Variants in VPS13A observed in about 807,000 individuals in gnomAD.
The protein encoded by VPS13A is intermembrane lipid transfer protein VPS13A.
VPS13A carries 264 observed loss-of-function variants against 390.9 expected under a neutral mutation model. The ratio of observed to expected loss-of-function variants is 0.68; its 90% confidence interval spans 0.61 to 0.75. VPS13A has a LOEUF of 0.75. VPS13A is among the 30% of genes least tolerant of loss of function. The pLI is 0.00. For synonymous variants in VPS13A, 1,231 were observed against 1,227.1 expected (o/e 1.00, Z -0.07); for missense variants, 3,409 against 3,733.9 (o/e 0.91, Z 2.27).
chr9:77,275,778 G>T, intron 25 of VPS13A, 126 bp downstream of exon 25: 2 of 1,168,090 alleles, frequency 1.7e-6, no homozygotes, highest in Admixed American at 2.1e-5. Context: ...TTCCAGACTT[G>T]CTGTGTGATT....
intron 33 of VPS13A, among the ~76,000 whole-genome samples, chr9:77,300,832 A>G (rs971408505): frequency 2.6e-5 from 4 of 152,274 alleles, no homozygotes; most frequent in Non-Finnish European, 5.9e-5. Context: ...TTCTTTATAC[A>G]TTAATCCAAC....
intron 24 of VPS13A, among the ~76,000 whole-genome samples, chr9:77,274,622 TATCTAC>T (rs1433713744): frequency 6.6e-6 from 1 of 152,030 alleles, no homozygotes; most frequent in African/African-American, 2.4e-5. Context: ...CATCAATAAT[TATCTAC>T]ATTTACATAT....
intron 71 of VPS13A, among the ~76,000 whole-genome samples, chr9:77,410,691 CAAAG>C (rs1223705716): frequency 2.0e-5 from 3 of 151,982 alleles, no homozygotes; most frequent in Non-Finnish European, 4.4e-5. Context: ...TCAAAAGAGA[CAAAG>C]AAGGCCATTA....
rs944362951 is a variant in VPS13A, at chr9:77,220,472, T to C, written c.989+89T>C. The C allele has an allele frequency of 1.4e-5, 13 of 920,556 alleles. No homozygotes were observed. The African/African-American group carries it at 2.0e-4, about 14-fold the overall frequency. 57.0% of individuals were successfully genotyped at this position (920,556 alleles called of 1,614,324 possible). A position where few individuals can be genotyped will look rare whatever the true frequency, so the allele number is the denominator to read the frequency against. On this transcript the variant is annotated intron_variant, in intron 12 of 71. Coordinates refer to ENST00000360280, the MANE Select transcript of VPS13A (RefSeq NM_033305.3). ...GACTTCAAGAATAATCTTTAAGATA[T>C]ACCATTTTTAAGGTCTGATACAAAC... is the stretch of plus-strand genomic sequence containing the variant.
At chr9:77,383,460 A>C (rs1006939299) in intron 68 of VPS13A, among the ~76,000 whole-genome samples, 3 of 152,014 alleles carry the variant, frequency 2.0e-5, no homozygotes, top group African/African-American at 7.2e-5. Context: ...ATTTCTACCC[A>C]ATACCTGCCT....
intron 50 of VPS13A, among the ~76,000 whole-genome samples, chr9:77,342,110 G>A (rs941291638): frequency 5.3e-5 from 8 of 152,054 alleles, no homozygotes; most frequent in African/African-American, 1.9e-4. Flanking sequence ...CAGTGCCTTC[G>A]AGGAAATGAG....
At chr9:77,367,270 A>G (rs1184579831) in intron 61 of VPS13A, among the ~76,000 whole-genome samples, 4 of 152,198 alleles carry the variant, frequency 2.6e-5, no homozygotes, top group Non-Finnish European at 5.9e-5. Context: ...GGGAAATGAA[A>G]GGATCAACTT....
At chr9:77,181,271 C>G (rs1190216695) in intron 1 of VPS13A, among the ~76,000 whole-genome samples, 1 of 151,682 alleles carries the variant, frequency 6.6e-6, no homozygotes, top group Non-Finnish European at 1.5e-5. Flanking sequence ...GCCTGTAATC[C>G]CAGCACTTTG....
rs117777275 is a variant in VPS13A at position 77,393,801 on chromosome 9, G to A, written c.9190-9435G>A. Among the ~76,000 whole-genome samples the A allele has an allele frequency of 8.5e-3, 1,289 of 152,074 alleles. 10 individuals carry two copies. The highest frequency in any genetic ancestry group is 0.014 in the South Asian group (66 of 4,806). ...TTTCTTTTTTTTGAGACGGAGTCTC[G>A]CTCTGTCACCCAGGTAGCCTGCAAT... On this transcript the variant is annotated intron_variant, in intron 68 of 71. Transcript: ENST00000360280.
At position 77,207,446 on chromosome 9, in the gene VPS13A, A is replaced by AT. The variant is rs560231695; in HGVS notation, c.385+1373dup. The stretch of plus-strand genomic sequence containing the variant: ...ATGATGTACTATGAAGATTGACCCT[A>AT]TTTTTTCATCTTCTCTATATAGTTC... On this transcript the variant is annotated intron_variant, in intron 5 of 71. Transcript: ENST00000360280. 7.3e-5 allele frequency among the ~76,000 whole-genome samples: 11 copies of AT among 149,946 alleles called. 1 individual carries two copies. Among genetic ancestry groups the AT allele is most frequent in the African/African-American group, 2.2e-4 (9 of 40,954 alleles).
Position 77,205,981 on chromosome 9 carries a change from T to C in VPS13A, c.287T>C (p.Ile96Thr). The change falls in exon 5 of 72, where the codon ATA becomes ACA. Residue 96 changes from isoleucine to threonine, a missense_variant. Physicochemically the swap from Ile to Thr is moderately conservative, Grantham distance 89. Transcript: ENST00000360280. Reference sequence around the variant, plus strand: ...TTCCTTTTTAATCTTCCTATAGGAATAAAATATGATCCTTTAAAAGAAGAG... The same window carrying C: ...TTCCTTTTTAATCTTCCTATAGGAACAAAATATGATCCTTTAAAAGAAGAG... ...IYLLIVPSSR[I>T]KYDPLKEEKQ... 6.4e-7 allele frequency: 1 copy of C among 1,554,420 alleles called. No homozygotes were observed. The highest frequency in any genetic ancestry group is 8.7e-7 in the Non-Finnish European group (1 of 1,143,494).
At chr9:77,300,894 C>CTT (rs1828306705) in intron 33 of VPS13A, among the ~76,000 whole-genome samples, 1 of 152,236 alleles carries the variant, frequency 6.6e-6, no homozygotes, top group African/African-American at 2.4e-5. Flanking sequence ...TGCCAATCAT[C>CTT]TAAGTACTGA....
intron 45 of VPS13A, among the ~76,000 whole-genome samples, chr9:77,330,051 T>A (rs1830205517): frequency 6.6e-6 from 1 of 152,176 alleles, no homozygotes. Context: ...CACAGGGTCT[T>A]GCTCTATCGC....
chr9:77,359,081 T>C lies in VPS13A; in HGVS notation c.8036-252T>C, dbSNP rs990500926. On this transcript the variant is annotated intron_variant, in intron 57 of 71. Coordinates refer to ENST00000360280, the MANE Select transcript of VPS13A (RefSeq NM_033305.3). Reference sequence around the variant, plus strand: ...AGAATCTGTTTTCACAAAGTTTCCCTGATGATTCTAATGCATACTTCTAAA... The same window carrying C: ...AGAATCTGTTTTCACAAAGTTTCCCCGATGATTCTAATGCATACTTCTAAA... Among the ~76,000 whole-genome samples the C allele has an allele frequency of 3.3e-5, 5 of 152,238 alleles. No homozygotes were observed. The East Asian group carries it at 9.6e-4, about 29-fold the overall frequency.
intron 46 of VPS13A, among the ~76,000 whole-genome samples, chr9:77,336,789 T>C (rs921679827): frequency 2.0e-5 from 3 of 150,322 alleles, no homozygotes; most frequent in Admixed American, 6.7e-5. Context: ...TAAGATGATA[T>C]CTATTTATCT....
At chr9:77,211,771 A>G (rs958798954) in intron 7 of VPS13A, among the ~76,000 whole-genome samples, 3 of 152,216 alleles carry the variant, frequency 2.0e-5, no homozygotes, top group African/African-American at 7.2e-5. Context: ...CTTGTCTGCC[A>G]GCCTAGACCT....
rs373130569 is a variant in VPS13A at position 77,276,095 on chromosome 9, G to C, written c.2698G>C (p.Asp900His). The C allele has an allele frequency of 6.2e-7, 1 of 1,612,964 alleles. No homozygotes were observed. Among genetic ancestry groups the C allele is most frequent in the Non-Finnish European group, 8.5e-7 (1 of 1,179,754 alleles). The change falls in exon 26 of 72, where the codon GAT (aspartate) becomes CAT (histidine). Residue 900 changes from aspartate (D) to histidine (H), a missense_variant. Physicochemically the swap from Asp to His is moderately conservative, Grantham distance 81. Transcript: ENST00000360280. ...GATCGAGTTTTATCACCTTGTTGGAGATTGTGAACTATCTGTGGTAGAAAT... is the reference window on the plus strand; with the variant it reads ...GATCGAGTTTTATCACCTTGTTGGACATTGTGAACTATCTGTGGTAGAAAT... ...VLIEFYHLVG[D>H]CELSVVEILV...
chr9:77,379,612 G>A (rs989130065), intron 67 of VPS13A, among the ~76,000 whole-genome samples: 2 of 151,828 alleles, frequency 1.3e-5, no homozygotes, highest in African/African-American at 4.8e-5. Context: ...GACCTCAAGT[G>A]ATCTGACCAC....
intron 60 of VPS13A, 69 bp from the exon 61 acceptor site, chr9:77,366,658 A>AT (rs1231620529): frequency 1.6e-5 from 22 of 1,388,856 alleles, no homozygotes; most frequent in Non-Finnish European, 1.8e-5. Context: ...AATTAAACTG[A>AT]TTTTTTAAGA....
Sources: gnomAD v4.1 joint callset for allele counts (sites outside exome capture counted in the v4.1 genomes callset) on GRCh38, gnomAD v4.1.1 for gene constraint, MANE v1.5 for transcripts, NCBI Gene and HGNC (gene_info 2026-07-23, HGNC 2026-07-21) for gene names.